Variants in RNF150 observed in about 807,000 individuals in gnomAD.
RNF150 encodes ring finger protein 150.
In RNF150, 24 loss-of-function variants were observed where a neutral mutation model predicts 39.3. The ratio of observed to expected loss-of-function variants is 0.61; its 90% CI spans 0.44 to 0.86. RNF150 has a LOEUF of 0.86. Ranked by LOEUF, RNF150 falls within the 40% of genes least tolerant of loss-of-function variation. The pLI is 0.00. For missense variants in RNF150, 502 were observed against 587.8 expected, an observed-to-expected ratio of 0.85 and a Z score of 1.51; for synonymous variants, 255 against 227.3, an observed-to-expected ratio of 1.12 and a Z score of -1.10.
intron 1 of RNF150, among the ~76,000 whole-genome samples, chr4:141,196,170 G>T (rs1213687534): frequency 6.6e-6 from 1 of 152,132 alleles, no homozygotes; most frequent in Non-Finnish European, 1.5e-5. Flanking sequence ...AAAATAAAGA[G>T]GTATGATGGT....
At chr4:141,052,797 T>C (rs1387775587) in intron 1 of RNF150, among the ~76,000 whole-genome samples, 4 of 152,204 alleles carry the variant, frequency 2.6e-5, no homozygotes, top group African/African-American at 9.7e-5. Flanking sequence ...CTCTAGCATA[T>C]TGTTGGCAGA....
chr4:140,886,016 C>G (rs1729559882), intron 6 of RNF150, among the ~76,000 whole-genome samples: 1 of 151,912 alleles, frequency 6.6e-6, no homozygotes, highest in Non-Finnish European at 1.5e-5. Flanking sequence ...TAGTGAAACC[C>G]TGTCTCTACT....
At chr4:140,928,154 G>A (rs7683060) in intron 4 of RNF150, among the ~76,000 whole-genome samples, 7 of 150,874 alleles carry the variant, frequency 4.6e-5, no homozygotes, top group African/African-American at 9.9e-5. Context: ...GGCTCCTTCC[G>A]TCAGGAAGCA....
chr4:141,153,725 C>T (rs1471123035), intron 1 of RNF150, among the ~76,000 whole-genome samples: 7 of 152,086 alleles, frequency 4.6e-5, no homozygotes, highest in African/African-American at 1.7e-4. Flanking sequence ...GTTTCCATTA[C>T]ATATTTTTCT....
At chr4:140,882,133 C>T (rs1173711968) in intron 6 of RNF150, among the ~76,000 whole-genome samples, 2 of 151,940 alleles carry the variant, frequency 1.3e-5, no homozygotes, top group Admixed American at 6.6e-5. Flanking sequence ...CATTCTTCTG[C>T]CTCAGCCTCC....
At chr4:140,994,979 G>A (rs1303259384) in intron 1 of RNF150, among the ~76,000 whole-genome samples, 1 of 152,106 alleles carries the variant, frequency 6.6e-6, no homozygotes, top group African/African-American at 2.4e-5. Flanking sequence ...ACATTTCTAT[G>A]TGTTACAAAC....
intron 1 of RNF150, among the ~76,000 whole-genome samples, chr4:141,080,783 T>C (rs1738120421): frequency 6.6e-6 from 1 of 152,148 alleles, no homozygotes; most frequent in Non-Finnish European, 1.5e-5. Context: ...TTGGAGATAT[T>C]AGGATTCTGG....
At chr4:140,968,119 G>A (rs951963511) in intron 1 of RNF150, among the ~76,000 whole-genome samples, 1 of 152,006 alleles carries the variant, frequency 6.6e-6, no homozygotes, top group Non-Finnish European at 1.5e-5. Context: ...CATGATTTTA[G>A]TACCAGTGAA....
chr4:141,184,661 T>C (rs146902173), intron 1 of RNF150, among the ~76,000 whole-genome samples: 1 of 152,182 alleles, frequency 6.6e-6, no homozygotes, highest in Non-Finnish European at 1.5e-5. Flanking sequence ...CTTTAATCTA[T>C]CTTGAGTTAA....
At chr4:141,100,697 C>A (rs1379689775) in intron 1 of RNF150, among the ~76,000 whole-genome samples, 3 of 152,162 alleles carry the variant, frequency 2.0e-5, no homozygotes, top group African/African-American at 7.2e-5. Context: ...AGACTGGTCC[C>A]AAGAAAGGTG....
chr4:141,120,769 G>A (rs753988812), intron 1 of RNF150, among the ~76,000 whole-genome samples: 37 of 152,170 alleles, frequency 2.4e-4, no homozygotes, highest in African/African-American at 8.0e-4. Context: ...GCCAAACCAC[G>A]GAAGAGGGCC....
intron 2 of RNF150, among the ~76,000 whole-genome samples, chr4:140,950,357 T>C (rs1226380330): frequency 6.6e-6 from 1 of 152,238 alleles, no homozygotes; most frequent in Non-Finnish European, 1.5e-5. Context: ...AGTGAACACA[T>C]ATTAGTGAAC....
rs924775795 is a variant in RNF150 at position 140,938,286 on chromosome 4, CT to C, written c.890+9367del. 1.6e-4 allele frequency among the ~76,000 whole-genome samples: 24 copies of C among 148,956 alleles called. No individual in the cohort carries two copies. The East Asian group carries it at 2.4e-3, about 15-fold the overall frequency. On this transcript the variant is annotated intron_variant, in intron 4 of 6. Transcript: ENST00000515673. ...TTTTCAAATATTAAAATGATGTTCA[CT>C]TTTTTTTTTACATAATTCTTCCTCA...
At chr4:141,118,800 G>A (rs766087598) in intron 1 of RNF150, among the ~76,000 whole-genome samples, 10 of 152,166 alleles carry the variant, frequency 6.6e-5, no homozygotes, top group Non-Finnish European at 1.3e-4. Flanking sequence ...TCACTCTGTC[G>A]CCCAGGCTGG....
In RNF150 at chr4:140,869,593, T is replaced by TA. The variant is rs1440803360; in HGVS notation, c.1199-1215dup. ...GCAGGTTGACCATTTACTAGGCAATTACAACACAGTGAGATAAGCACCAGG... is the reference window on the plus strand; with the variant it reads ...GCAGGTTGACCATTTACTAGGCAATTAACAACACAGTGAGATAAGCACCAGG... On this transcript the variant is annotated intron_variant, in intron 6 of 6. Transcript: ENST00000515673. 3.3e-5 allele frequency among the ~76,000 whole-genome samples: 5 copies of TA among 152,144 alleles called. No homozygotes were observed. In the East Asian group the frequency reaches 9.6e-4, roughly 29 times the overall value.
chr4:141,160,772 T>C (rs1295475026), intron 1 of RNF150, among the ~76,000 whole-genome samples: 2 of 152,216 alleles, frequency 1.3e-5, no homozygotes, highest in East Asian at 3.9e-4. Flanking sequence ...ACATATCTGT[T>C]GCCATTTCAC....
intron 1 of RNF150, among the ~76,000 whole-genome samples, chr4:141,204,623 T>C (rs1728344321): frequency 6.6e-6 from 1 of 152,152 alleles, no homozygotes; most frequent in South Asian, 2.1e-4. Context: ...CTGAGGTTAT[T>C]GTCAGGGGCA....
intron 1 of RNF150, among the ~76,000 whole-genome samples, chr4:141,044,216 TA>T (rs1397916628): frequency 6.6e-6 from 1 of 152,194 alleles, no homozygotes; most frequent in Non-Finnish European, 1.5e-5. Flanking sequence ...TAATGTTAGC[TA>T]AATGTCTTAT....
chr4:141,102,790 GTC>G (rs937071471), intron 1 of RNF150, among the ~76,000 whole-genome samples: 1 of 152,158 alleles, frequency 6.6e-6, no homozygotes, highest in Non-Finnish European at 1.5e-5. Flanking sequence ...CTAAGCGGTT[GTC>G]TCCAGCAAAA....
Sources: allele counts gnomAD v4.1 joint callset (sites outside exome capture counted in the v4.1 genomes callset), GRCh38; gene constraint gnomAD v4.1.1; transcripts MANE v1.5; gene names NCBI Gene and HGNC (gene_info 2026-07-23, HGNC 2026-07-21).